The following RC3H1 variants were observed in gnomAD, a reference collection of about 807,000 sequenced individuals.
RC3H1 encodes the protein roquin-1.
Under a neutral mutation model 138.2 loss-of-function variants are expected in RC3H1, and 50 were observed. The ratio of observed to expected loss-of-function variants is 0.36; its 90% CI spans 0.29 to 0.46. The LOEUF is 0.46. Among genes scored for constraint, RC3H1 ranks in the 20% least tolerant of loss-of-function variants. The pLI, the probability that RC3H1 is intolerant of heterozygous loss-of-function variation, is 1.00. For synonymous variants in RC3H1, 462 were observed against 489.1 expected (o/e 0.94, Z 0.73); for missense variants, 1,031 against 1,388.1 (o/e 0.74, Z 4.09).
chr1:173,955,967 C>G (rs1659627151), intron 13 of RC3H1, among the ~76,000 whole-genome samples: 1 of 151,676 alleles, frequency 6.6e-6, no homozygotes, highest in South Asian at 2.1e-4. Context: ...CCTGCCTCTA[C>G]TAAAAATACA....
chr1:174,011,887 G>A (rs956895073), intron 1 of RC3H1, among the ~76,000 whole-genome samples: 9 of 152,010 alleles, frequency 5.9e-5, no homozygotes, highest in Admixed American at 3.3e-4. Context: ...CAACCAATTC[G>A]TATTAGCATT....
rs955001049 is a variant in RC3H1 at position 173,940,427 on chromosome 1, T to C, written c.3251+838A>G. On this transcript the variant is annotated intron_variant, in intron 19 of 19. Coordinates refer to ENST00000367696, the MANE Select transcript of RC3H1 (RefSeq NM_172071.4). Reference sequence around the variant, plus strand: ...CGGAGGTTGCCGTGAGCCGAGATCGTGCCATTGCACTCCAGCCTGGGCAAC... The same window carrying C: ...CGGAGGTTGCCGTGAGCCGAGATCGCGCCATTGCACTCCAGCCTGGGCAAC... Among the ~76,000 whole-genome samples the C allele has an allele frequency of 1.7e-4, 26 of 151,942 alleles. No homozygotes were observed. The East Asian group carries it at 1.7e-3, about 10-fold the overall frequency.
chr1:173,999,957 A>G (rs1661535208), intron 1 of RC3H1, among the ~76,000 whole-genome samples: 1 of 152,196 alleles, frequency 6.6e-6, no homozygotes, highest in Non-Finnish European at 1.5e-5. Context: ...GTACTTTGAA[A>G]CTCTATAATT....
chr1:173,994,485 C>G (rs939943044), intron 1 of RC3H1, among the ~76,000 whole-genome samples: 1 of 152,004 alleles, frequency 6.6e-6, no homozygotes, highest in Admixed American at 6.6e-5. Context: ...GTATTTATAC[C>G]ACAATCTTGA....
intron 8 of RC3H1, 21 bp downstream of exon 8, chr1:173,972,486 TAA>T: frequency 6.4e-7 from 1 of 1,561,828 alleles, no homozygotes; most frequent in Non-Finnish European, 8.8e-7. Context: ...GGGTTAACTC[TAA>T]GTTTTAAACA....
intron 3 of RC3H1, 24 bp from the exon 4 acceptor site, chr1:173,983,681 T>C (rs1225230254): frequency 1.9e-6 from 3 of 1,609,216 alleles, no homozygotes; most frequent in South Asian, 2.2e-5. Flanking sequence ...AAGAAGTTAT[T>C]CCTAGGTTCA....
At position 173,964,045 on chromosome 1, in the gene RC3H1, G is replaced by C. The variant is rs746389154; in HGVS notation, c.1759C>G (p.Gln587Glu). The change falls in exon 11 of 20, where the codon CAA (glutamine) becomes GAA (glutamate). Residue 587 changes from glutamine to glutamate, a missense_variant. Coordinates refer to ENST00000367696, the MANE Select transcript of RC3H1 (RefSeq NM_172071.4). ...TCCTGATAATAAACATCCGTCTGTT[G>C]TGCTGGATATAACTGAGAACCTCGA... ...VPRGSQLYPA[Q>E]QTDVYYQDPR... The C allele has an allele frequency of 6.2e-7, 1 of 1,614,028 alleles. No individual in the cohort carries two copies. Among genetic ancestry groups the C allele is most frequent in the Admixed American group, 1.7e-5 (1 of 59,992 alleles).
At chr1:174,003,487 T>G (rs982796728) in intron 1 of RC3H1, among the ~76,000 whole-genome samples, 1 of 151,870 alleles carries the variant, frequency 6.6e-6, no homozygotes. Flanking sequence ...TCAATCGCCA[T>G]GTACATATTA....
In RC3H1 at chr1:173,952,152, AAG is replaced by A. The variant is rs1491232449; in HGVS notation, c.2371-16_2371-15del. 1 of 1,509,278 alleles carries A rather than the reference AAG, an allele frequency of 6.6e-7. No homozygotes were observed. The highest frequency in any genetic ancestry group is 8.8e-7 in the Non-Finnish European group (1 of 1,132,568). 93.5% of individuals were successfully genotyped at this position (1,509,278 alleles called of 1,614,324 possible). ...TTCATCCAAAAACTACAGATGGAGA[AAG>A]AAAAAAAACAAAAAAAAAAAAAAGA... is the stretch of plus-strand genomic sequence containing the variant. On this transcript the variant is annotated splice_polypyrimidine_tract_variant and intron_variant, in intron 13 of 19. Transcript: ENST00000367696.
chr1:173,961,241 G>T lies in RC3H1; in HGVS notation c.2206C>A (p.Pro736Thr), dbSNP rs144597354. 1.4e-5 allele frequency: 23 copies of T among 1,603,596 alleles called. No individual in the cohort carries two copies. Among genetic ancestry groups the T allele is most frequent in the African/African-American group, 1.2e-4 (9 of 74,150 alleles). ...TQIRPSYLRE[P>T]PYSRLPPPPQ... ...GGAGGAGGAAGCCGGCTATAAGGAG[G>T]TTCCTAAAAATAGAAAGATTAGTTA... Residue 736 changes from proline to threonine, a missense_variant, in exon 13 of 20, where the codon CCT becomes ACT. Pro to Thr is a conservative substitution (Grantham distance 38). Transcript: ENST00000367696.
chr1:173,992,767 G>A lies in RC3H1; in HGVS notation c.219C>T (p.Leu73=). ...LLPVNSALLQ[L]VGAQVPEQQP... ...TCACCCATCCTACCTGAGCACCCACGAGCTGCAGCAATGCTGAGTTCACAG... is the reference window on the plus strand; with the variant it reads ...TCACCCATCCTACCTGAGCACCCACAAGCTGCAGCAATGCTGAGTTCACAG... Residue 73 remains leucine (L), a synonymous_variant, in exon 2 of 20, where the codon CTC becomes CTT. Transcript: ENST00000367696. 4 of 1,612,878 alleles carry A rather than the reference G, an allele frequency of 2.5e-6. No individual in the cohort carries two copies. The highest frequency in any genetic ancestry group is 1.1e-5 in the South Asian group (1 of 91,044).
rs893513863 is a variant in RC3H1, at chr1:173,971,232, G to A, written c.1222-615C>T. Among the ~76,000 whole-genome samples, 12 of 152,028 alleles carry A rather than the reference G, an allele frequency of 7.9e-5. No homozygotes were observed. The East Asian group carries it at 2.3e-3, about 29-fold the overall frequency. ...CTGCCTCAGCCTCCCAAAGTGCTTG[G>A]GATTACAGGTGTGAGCCACTGTGCC... On this transcript the variant is annotated intron_variant, in intron 8 of 19. Coordinates refer to ENST00000367696, the MANE Select transcript of RC3H1 (RefSeq NM_172071.4).
In RC3H1 at chr1:173,992,745, C is replaced by T. The variant is rs763480868; in HGVS notation, c.231+10G>A. The T allele has an allele frequency of 3.8e-6, 6 of 1,598,384 alleles. No homozygotes were observed. The African/African-American group carries it at 5.4e-5, about 14-fold the overall frequency. ...GGAGAAATTTAAAAGTATTAAGTCA[C>T]CCATCCTACCTGAGCACCCACGAGC... On this transcript the variant is annotated intron_variant, in intron 2 of 19. Transcript: ENST00000367696.
intron 2 of RC3H1, among the ~76,000 whole-genome samples, chr1:173,992,463 G>A (rs1044866092): frequency 6.6e-6 from 1 of 151,980 alleles, no homozygotes; most frequent in South Asian, 2.1e-4. Flanking sequence ...TTTCTCTAGC[G>A]ATCTGCATAG....
Position 173,976,755 on chromosome 1 carries a change from T to C in RC3H1, c.1102+1733A>G, listed in dbSNP as rs539384297. ...AAAATCACTATATATTCTAGTAACA[T>C]TGATCTGGTTTACTAAGCAATTTTG... is the stretch of plus-strand genomic sequence containing the variant. On this transcript the variant is annotated intron_variant, in intron 7 of 19. Transcript: ENST00000367696. Among the ~76,000 whole-genome samples, 36 of 152,260 alleles carry C rather than the reference T, an allele frequency of 2.4e-4. 1 individual carries two copies. Among genetic ancestry groups the C allele is most frequent in the African/African-American group, 6.3e-4 (26 of 41,562 alleles).
chr1:173,985,276 C>CAAGTTTTTGTGTAGACAA (rs1284885938), intron 2 of RC3H1, among the ~76,000 whole-genome samples: 2 of 152,122 alleles, frequency 1.3e-5, no homozygotes, highest in East Asian at 3.8e-4. Flanking sequence ...CATCTGTGTA[C>CAAGTTTTTGTGTAGACAA]AAGTTTTTGT....
intron 1 of RC3H1, among the ~76,000 whole-genome samples, chr1:174,014,476 A>G (rs1661822377): frequency 6.6e-6 from 1 of 152,194 alleles, no homozygotes; most frequent in South Asian, 2.1e-4. Context: ...AGAAAATGAG[A>G]ATGGCATATG....
At chr1:174,017,135 T>G (rs905298206) in intron 1 of RC3H1, among the ~76,000 whole-genome samples, 1 of 152,248 alleles carries the variant, frequency 6.6e-6, no homozygotes, top group Non-Finnish European at 1.5e-5. Context: ...CGTTTCCCAG[T>G]GTAACTTCAA....
chr1:174,001,213 T>A (rs1399460110), intron 1 of RC3H1, among the ~76,000 whole-genome samples: 2 of 152,268 alleles, frequency 1.3e-5, no homozygotes, highest in African/African-American at 2.4e-5. Context: ...AATACCAGAT[T>A]GAGGAGAAGT....
Sources: gnomAD v4.1 joint callset for allele counts (sites outside exome capture counted in the v4.1 genomes callset) on GRCh38, gnomAD v4.1.1 for gene constraint, MANE v1.5 for transcripts, NCBI Gene and HGNC (gene_info 2026-07-23, HGNC 2026-07-21) for gene names.